SLC25A12: variants seen among roughly 807,000 people sequenced by gnomAD.
The protein encoded by SLC25A12 is electrogenic aspartate/glutamate antiporter SLC25A12, mitochondrial.
Under a neutral mutation model 83.3 loss-of-function variants are expected in SLC25A12, and 32 were observed. That is an observed-to-expected ratio of 0.38 (90% CI 0.29 to 0.52). SLC25A12 has a LOEUF of 0.52. SLC25A12 is among the 20% of genes least tolerant of loss of function. SLC25A12 has a pLI of 0.84. For missense variants in SLC25A12, 611 were observed against 835.6 expected (o/e 0.73, Z 3.31); for synonymous variants, 267 against 291.1 (o/e 0.92, Z 0.84).
intron 3 of SLC25A12, among the ~76,000 whole-genome samples, chr2:171,859,795 CTT>C: frequency 6.6e-6 from 1 of 151,586 alleles, no homozygotes; most frequent in East Asian, 1.9e-4. Flanking sequence ...GAGTTTTGCT[CTT>C]GTTGCCCCAG....
intron 2 of SLC25A12, among the ~76,000 whole-genome samples, chr2:171,890,298 T>C (rs1328272083): frequency 1.3e-5 from 2 of 152,250 alleles, no homozygotes; most frequent in African/African-American, 2.4e-5. Flanking sequence ...TGTCTTCTAT[T>C]ATAGCTAAAA....
chr2:171,870,851 C>T (rs527432413), intron 2 of SLC25A12, among the ~76,000 whole-genome samples: 1 of 152,260 alleles, frequency 6.6e-6, no homozygotes, highest in Non-Finnish European at 1.5e-5. Flanking sequence ...GCTTTCTAGT[C>T]AAGTGTTGCA....
rs771375193 is a variant in SLC25A12, at chr2:171,837,193, C to T, written c.540G>A (p.Leu180=). 7.4e-6 allele frequency: 12 copies of T among 1,614,046 alleles called. No individual in the cohort carries two copies. In the Admixed American group the frequency reaches 2.0e-4, roughly 27 times the overall value. ...TGGTAACCATGATGTCACTGAAATC[C>T]AGACCAGAAATCATGCCACTTTTGC... The part of the protein sequence containing the change: ...DKSKSGMISG[L]DFSDIMVTIR... Residue 180 remains leucine, a synonymous_variant, in exon 6 of 18, where the codon CTG becomes CTA. Coordinates refer to ENST00000422440, the MANE Select transcript of SLC25A12 (RefSeq NM_003705.5).
At chr2:171,855,084 G>A (rs1378813369) in intron 4 of SLC25A12, among the ~76,000 whole-genome samples, 1 of 152,146 alleles carries the variant, frequency 6.6e-6, no homozygotes, top group Non-Finnish European at 1.5e-5. Flanking sequence ...TTAAAAAGGT[G>A]GGGGCAGTGC....
intron 8 of SLC25A12, among the ~76,000 whole-genome samples, chr2:171,830,083 AT>A (rs1684398630): frequency 6.6e-6 from 1 of 152,138 alleles, no homozygotes; most frequent in African/African-American, 2.4e-5. Context: ...AAATATACCA[AT>A]CTGGACCCTT....
At position 171,793,678 on chromosome 2, in the gene SLC25A12, T is replaced by C. The variant is rs756185080; in HGVS notation, c.1395A>G (p.Arg465=). 2 of 1,614,198 alleles carry C rather than the reference T, an allele frequency of 1.2e-6. No individual in the cohort carries two copies. Among genetic ancestry groups the C allele is most frequent in the South Asian group, 2.2e-5 (2 of 91,082 alleles). ...CCCGGAGCACATTCAGGGCGCTGAC[T>C]CTGGGTCCCGTGGTGATCTCTCCAG... The part of the protein sequence containing the change: ...QVAGEITTGP[R]VSALNVLRDL... The change falls in exon 14 of 18, where the codon AGA becomes AGG. Residue 465 remains arginine, a synonymous_variant. Transcript: ENST00000422440.
rs1436524251 is a variant in SLC25A12, at chr2:171,893,198, A to C, written c.66+7T>G. The stretch of plus-strand genomic sequence containing the variant: ...CAATGAAAGGCACACTATGCAAGCC[A>C]ATTTACCTGTAGAAATATGTTTCTT... On this transcript the variant is annotated splice_region_variant and intron_variant, in intron 2 of 17. Coordinates refer to ENST00000422440, the MANE Select transcript of SLC25A12 (RefSeq NM_003705.5). 2 of 1,613,736 alleles carry C rather than the reference A, an allele frequency of 1.2e-6. No individual in the cohort carries two copies. The highest frequency in any genetic ancestry group is 1.7e-6 in the Non-Finnish European group (2 of 1,179,622).
chr2:171,834,800 CA>C lies in SLC25A12; in HGVS notation c.677del (p.Leu226ArgfsTer14). 1 of 1,613,914 alleles carries C rather than the reference CA, an allele frequency of 6.2e-7. No homozygotes were observed. Among genetic ancestry groups the C allele is most frequent in the Non-Finnish European group, 8.5e-7 (1 of 1,179,926 alleles). On this transcript the variant is annotated frameshift_variant, in exon 7 of 18. Transcript: ENST00000422440. LOFTEE classifies it high-confidence loss of function. ...FSYFNAFNSL[L>X]NNMELVRKIY... ...TCTTACGAACAAGCTCCATGTTATT[CA>C]GTAACGAGTTAAATGCATTGAAGTA... is the stretch of plus-strand genomic sequence containing the variant.
intron 4 of SLC25A12, 81 bp downstream of exon 4, chr2:171,855,753 C>T: frequency 1.2e-6 from 1 of 844,904 alleles, no homozygotes; most frequent in South Asian, 1.3e-5. Flanking sequence ...AAGCAGTAAT[C>T]TATATTAGTT....
chr2:171,842,834 A>G (rs1259054753), intron 5 of SLC25A12, among the ~76,000 whole-genome samples: 2 of 151,896 alleles, frequency 1.3e-5, no homozygotes, highest in African/African-American at 4.8e-5. Context: ...TTTATTTTTA[A>G]TTTTTTAGAT....
intron 2 of SLC25A12, among the ~76,000 whole-genome samples, chr2:171,885,913 A>C (rs895889090): frequency 1.3e-5 from 2 of 152,178 alleles, no homozygotes; most frequent in African/African-American, 2.4e-5. Context: ...AGCTTAATAC[A>C]TATACATTGA....
chr2:171,851,133 T>C (rs1464503060), intron 4 of SLC25A12, among the ~76,000 whole-genome samples: 1 of 152,106 alleles, frequency 6.6e-6, no homozygotes, highest in African/African-American at 2.4e-5. Context: ...ACTCAGAACA[T>C]ATAACATGTT....
At chr2:171,871,144 G>A (rs1685448730) in intron 2 of SLC25A12, among the ~76,000 whole-genome samples, 1 of 152,166 alleles carries the variant, frequency 6.6e-6, no homozygotes, top group African/African-American at 2.4e-5. Context: ...CGAGACTACA[G>A]TGAGCCATGA....
chr2:171,863,575 A>G (rs1685216129), intron 3 of SLC25A12, among the ~76,000 whole-genome samples: 1 of 151,992 alleles, frequency 6.6e-6, no homozygotes, highest in Admixed American at 6.6e-5. Context: ...TAACAATGCA[A>G]CTCAGCCTAG....
Position 171,849,016 on chromosome 2 carries a change from C to G in SLC25A12, c.326-4508G>C, listed in dbSNP as rs770782133. 2.6e-5 allele frequency among the ~76,000 whole-genome samples: 4 copies of G among 151,692 alleles called. No homozygotes were observed. The East Asian group carries it at 7.8e-4, about 29-fold the overall frequency. ...ACCAGCCTGGCCAACATGGTAAAAC[C>G]CTGTCTCTACTAAAAATAGAAAAAA... On this transcript the variant is annotated intron_variant, in intron 4 of 17. Transcript: ENST00000422440.
chr2:171,811,878 C>A (rs1683952390), intron 11 of SLC25A12, among the ~76,000 whole-genome samples: 1 of 151,942 alleles, frequency 6.6e-6, no homozygotes. Context: ...TAAAAGTATA[C>A]CAAAGAGGAG....
At chr2:171,887,283 T>C (rs1486335171) in intron 2 of SLC25A12, among the ~76,000 whole-genome samples, 2 of 152,204 alleles carry the variant, frequency 1.3e-5, no homozygotes, top group Non-Finnish European at 2.9e-5. Flanking sequence ...AAAAAGCACA[T>C]TTTCATAATT....
intron 8 of SLC25A12, among the ~76,000 whole-genome samples, chr2:171,831,074 A>G (rs901880095): frequency 6.6e-6 from 1 of 152,252 alleles, no homozygotes; most frequent in Non-Finnish European, 1.5e-5. Flanking sequence ...CTCTATGTGA[A>G]CGTGAATTTT....
chr2:171,803,401 A>G (rs888590019), intron 13 of SLC25A12, among the ~76,000 whole-genome samples: 5 of 152,212 alleles, frequency 3.3e-5, no homozygotes, highest in African/African-American at 9.6e-5. Flanking sequence ...AAATATCTGA[A>G]AAGGGACTCA....
Sources: allele counts gnomAD v4.1 joint callset (sites outside exome capture counted in the v4.1 genomes callset), GRCh38; gene constraint gnomAD v4.1.1; transcripts MANE v1.5; gene names NCBI Gene and HGNC (gene_info 2026-07-23, HGNC 2026-07-21).